NIT2: variants seen among roughly 807,000 people sequenced by gnomAD.
NIT2 encodes nitrilase family member 2, also known as omega-amidase NIT2.
A neutral mutation model predicts 42.7 loss-of-function variants in NIT2; 46 were observed. The observed-to-expected ratio is 1.08, with a 90% CI of 0.85 to 1.38. The LOEUF is 1.38. Ranked by LOEUF, NIT2 falls within the 40% of genes most tolerant of loss-of-function variation. NIT2 has a pLI of 0.00. For missense variants in NIT2, 309 were observed against 342.5 expected, an observed-to-expected ratio of 0.90 and a Z score of 0.77; for synonymous variants, 123 against 121.9, an observed-to-expected ratio of 1.01 and a Z score of -0.06.
Position 100,339,137 on chromosome 3 carries a change from A to G in NIT2, c.58A>G (p.Asn20Asp). 6.2e-7 allele frequency: 1 copy of G among 1,614,084 alleles called. No individual in the cohort carries two copies. The highest frequency in any genetic ancestry group is 1.1e-5 in the South Asian group (1 of 91,078). ...TCAGATTTCTTCCATCAAATCAGATAACGTCACTCGCGCTTGTAGCTTCAT... is the reference window on the plus strand; with the variant it reads ...TCAGATTTCTTCCATCAAATCAGATGACGTCACTCGCGCTTGTAGCTTCAT... ...QLQISSIKSD[N>D]VTRACSFIRE... Residue 20 changes from asparagine to aspartate, a missense_variant, in exon 2 of 10, where the codon AAC becomes GAC. Coordinates refer to ENST00000394140, the MANE Select transcript of NIT2 (RefSeq NM_020202.5).
In NIT2 at chr3:100,339,825, A is replaced by G. The variant is rs1706127601; in HGVS notation, c.137A>G (p.Asn46Ser). ...CCAATATTTTTCTAGGAATGCTTTA[A>G]TTCTCCATATGGAGCGAAATATTTT... is the stretch of plus-strand genomic sequence containing the variant. ...AKIVSLPECFNSPYGAKYFPE... is the reference protein window; with the variant it reads ...AKIVSLPECFSSPYGAKYFPE... The change falls in exon 3 of 10, where the codon AAT (asparagine) becomes AGT (serine). Residue 46 changes from asparagine to serine, a missense_variant. Physicochemically the swap from Asn to Ser is conservative, Grantham distance 46. Coordinates refer to ENST00000394140, the MANE Select transcript of NIT2 (RefSeq NM_020202.5). 1 of 1,603,050 alleles carries G rather than the reference A, an allele frequency of 6.2e-7. No homozygotes were observed. Among genetic ancestry groups the G allele is most frequent in the African/African-American group, 1.3e-5 (1 of 74,234 alleles).
At chr3:100,343,391 T>G (rs2148882126) in intron 4 of NIT2, among the ~76,000 whole-genome samples, 1 of 152,162 alleles carries the variant, frequency 6.6e-6, no homozygotes, top group East Asian at 1.9e-4. Flanking sequence ...TTTTTGTCTT[T>G]CCAATACTTT....
At chr3:100,346,432 TG>T (rs1412684230) in intron 6 of NIT2, among the ~76,000 whole-genome samples, 177 bp downstream of exon 6, 3 of 152,118 alleles carry the variant, frequency 2.0e-5, no homozygotes, top group Non-Finnish European at 2.9e-5. Context: ...ACAGGGTTTT[TG>T]GGGGGTTGTA....
intron 4 of NIT2, among the ~76,000 whole-genome samples, chr3:100,344,656 G>GT (rs1411210511): frequency 6.6e-6 from 1 of 151,636 alleles, no homozygotes; most frequent in Non-Finnish European, 1.5e-5. Context: ...TTTTGTTTTT[G>GT]TTTTTTTGAG....
At chr3:100,355,013 T>C (rs115438982) in intron 9 of NIT2, among the ~76,000 whole-genome samples, 164 bp from the exon 10 acceptor site, 1 of 152,232 alleles carries the variant, frequency 6.6e-6, no homozygotes, top group African/African-American at 2.4e-5. Flanking sequence ...TGAATTTTCT[T>C]GGTTTGGTTT....
At chr3:100,344,387 C>G (rs1706188823) in intron 4 of NIT2, among the ~76,000 whole-genome samples, 2 of 152,146 alleles carry the variant, frequency 1.3e-5, no homozygotes, top group Non-Finnish European at 2.9e-5. Context: ...CATAGTTAAC[C>G]ACAAGAAAAC....
chr3:100,336,021 G>A (rs991417849), intron 1 of NIT2, among the ~76,000 whole-genome samples: 1 of 152,174 alleles, frequency 6.6e-6, no homozygotes, highest in African/African-American at 2.4e-5. Context: ...AATAATCCCA[G>A]CTTTTATTTC....
chr3:100,343,149 A>C (rs1355476636), intron 4 of NIT2, among the ~76,000 whole-genome samples: 3 of 149,932 alleles, frequency 2.0e-5, no homozygotes, highest in African/African-American at 7.4e-5. Context: ...AAGTGTTTTC[A>C]TAATCTTTAG....
intron 7 of NIT2, chr3:100,349,142 G>A: frequency 3.1e-6 from 1 of 320,810 alleles, no homozygotes; most frequent in Non-Finnish European, 5.9e-6. Context: ...TAAGAGACGG[G>A]TCTTACCATT....
intron 5 of NIT2, 52 bp from the exon 6 acceptor site, chr3:100,346,129 C>G: frequency 6.9e-7 from 1 of 1,441,212 alleles, no homozygotes; most frequent in Non-Finnish European, 9.8e-7. Context: ...CCCTGCCACA[C>G]CATGCTGTAG....
intron 1 of NIT2, 98 bp from the exon 2 acceptor site, chr3:100,338,989 C>T: frequency 1.2e-6 from 1 of 833,596 alleles, no homozygotes; most frequent in Non-Finnish European, 2.1e-6. Flanking sequence ...CAGATGTCCC[C>T]CCGGGGACAT....
intron 3 of NIT2, among the ~76,000 whole-genome samples, chr3:100,340,521 T>C (rs1277664355): frequency 6.6e-6 from 1 of 152,190 alleles, no homozygotes; most frequent in Non-Finnish European, 1.5e-5. Context: ...TCTATAAATA[T>C]AGCAAATACA....
At chr3:100,341,464 G>T (rs1185275790) in intron 4 of NIT2, among the ~76,000 whole-genome samples, 1 of 152,040 alleles carries the variant, frequency 6.6e-6, no homozygotes, top group East Asian at 1.9e-4. Flanking sequence ...TGCCTCCTGG[G>T]TTCACACCAT....
intron 5 of NIT2, 88 bp from the exon 6 acceptor site, chr3:100,346,093 G>T: frequency 2.0e-6 from 2 of 1,010,676 alleles, no homozygotes; most frequent in East Asian, 4.9e-5. Flanking sequence ...TCAGTGTTTT[G>T]TGATCATTAT....
At chr3:100,339,047 C>A in intron 1 of NIT2, 40 bp from the exon 2 acceptor site, 1 of 1,388,890 alleles carries the variant, frequency 7.2e-7, no homozygotes, top group Non-Finnish European at 1.0e-6. Flanking sequence ...TCCAGCAGTT[C>A]GATCTTCTGA....
intron 5 of NIT2, 60 bp from the exon 6 acceptor site, chr3:100,346,121 C>T (rs1706213905): frequency 7.4e-7 from 1 of 1,358,026 alleles, no homozygotes; most frequent in Non-Finnish European, 1.1e-6. Flanking sequence ...AGGATTTCCC[C>T]TGCCACACCA....
chr3:100,339,063 GTTTTC>G lies in NIT2; in HGVS notation c.8-19_8-15del. Reference sequence around the variant, plus strand: ...CCAGCAGTTCGATCTTCTGATAGCTGTTTTCTTTTGTCTTTGTTCTCAGCTTTCCG... The same window carrying G: ...CCAGCAGTTCGATCTTCTGATAGCTGTTTTGTCTTTGTTCTCAGCTTTCCG... On this transcript the variant is annotated intron_variant, in intron 1 of 9. Coordinates refer to ENST00000394140, the MANE Select transcript of NIT2 (RefSeq NM_020202.5). 6.6e-7 allele frequency: 1 copy of G among 1,524,972 alleles called. No homozygotes were observed. Among genetic ancestry groups the G allele is most frequent in the Non-Finnish European group, 9.1e-7 (1 of 1,098,820 alleles). The allele number at this position is 1,524,972 out of a possible 1,614,324, so 94.5% of individuals were successfully genotyped here. A position where few individuals can be genotyped will look rare whatever the true frequency, so the allele number is the denominator to read the frequency against.
intron 3 of NIT2, among the ~76,000 whole-genome samples, chr3:100,340,423 C>T (rs1275776421): frequency 1.3e-5 from 2 of 152,046 alleles, no homozygotes; most frequent in African/African-American, 2.4e-5. Flanking sequence ...ATAGAGGCCA[C>T]ATACATAAAG....
rs1212515019 is a variant in NIT2, at chr3:100,360,234, A to G, written c.*4966A>G. On this transcript the variant is annotated 3_prime_UTR_variant, in exon 10 of 10. Transcript: ENST00000394140. ...TGATCTGGGAAGAGCCTGGGACGTG[A>G]TGTAACTTCATATGCTGTAGAGCTG... 1 of 152,252 alleles carries G rather than the reference A, an allele frequency of 6.6e-6. No individual in the cohort carries two copies. The highest frequency in any genetic ancestry group is 1.9e-4 in the East Asian group (1 of 5,200). The allele number at this position is 152,252 out of a possible 1,614,324, so 9.4% of individuals were successfully genotyped here.
Sources: gnomAD v4.1 joint callset for allele counts (sites outside exome capture counted in the v4.1 genomes callset) on GRCh38, gnomAD v4.1.1 for gene constraint, MANE v1.5 for transcripts, NCBI Gene and HGNC (gene_info 2026-07-23, HGNC 2026-07-21) for gene names.